SPOCK3: variants seen among roughly 807,000 people sequenced by gnomAD.
SPOCK3 encodes testican-3.
Under a neutral mutation model 56.6 loss-of-function variants are expected in SPOCK3, and 30 were observed. The ratio of observed to expected loss-of-function variants is 0.53; its 90% CI spans 0.40 to 0.72. The LOEUF (loss-of-function observed/expected upper bound fraction) is 0.72, where lower values mean the gene tolerates loss of function less well. Among genes scored for constraint, SPOCK3 ranks in the 30% least tolerant of loss-of-function variants. SPOCK3 has a pLI of 0.00. For synonymous variants in SPOCK3, 196 were observed against 183.3 expected (o/e 1.07, Z -0.56); for missense variants, 527 against 530.0 (o/e 0.99, Z 0.06).
At chr4:167,170,260 C>T (rs1351546190) in intron 2 of SPOCK3, among the ~76,000 whole-genome samples, 1 of 152,088 alleles carries the variant, frequency 6.6e-6, no homozygotes, top group Non-Finnish European at 1.5e-5. Context: ...ATATAAAATG[C>T]TAGAAGAAAA....
At chr4:166,784,859 T>A (rs1207264006) in intron 7 of SPOCK3, among the ~76,000 whole-genome samples, 7 of 152,128 alleles carry the variant, frequency 4.6e-5, no homozygotes, top group Admixed American at 4.6e-4. Flanking sequence ...AGTCAGACTC[T>A]GCTAATCTGG....
At chr4:166,979,206 T>C (rs1746311111) in intron 4 of SPOCK3, among the ~76,000 whole-genome samples, 1 of 152,142 alleles carries the variant, frequency 6.6e-6, no homozygotes, top group Non-Finnish European at 1.5e-5. Context: ...AGAGCTCCTC[T>C]TCCTACCCAG....
chr4:167,234,589 C>G (rs544524671), upstream of SPOCK3: 22 of 218,922 alleles, frequency 1.0e-4, no homozygotes, highest in Admixed American at 3.7e-4. Context: ...CGCGCTCCCC[C>G]CATCTCCACC....
At chr4:167,089,779 T>A (rs1758540657) in intron 2 of SPOCK3, among the ~76,000 whole-genome samples, 1 of 152,196 alleles carries the variant, frequency 6.6e-6, no homozygotes, top group Non-Finnish European at 1.5e-5. Flanking sequence ...AGTTCTTTCA[T>A]ATCCCTTTAT....
intron 3 of SPOCK3, among the ~76,000 whole-genome samples, chr4:167,051,737 C>A (rs1754221508): frequency 6.6e-6 from 1 of 152,192 alleles, no homozygotes; most frequent in African/African-American, 2.4e-5. Flanking sequence ...GGGTGTCAGG[C>A]AATCTGGACT....
chr4:166,739,907 C>G (rs1579077244), intron 9 of SPOCK3, among the ~76,000 whole-genome samples: 1 of 152,190 alleles, frequency 6.6e-6, no homozygotes, highest in Non-Finnish European at 1.5e-5. Context: ...AACTGCTAAT[C>G]TTTCAATTAG....
intron 6 of SPOCK3, among the ~76,000 whole-genome samples, chr4:166,805,972 G>A (rs1270098961): frequency 2.0e-5 from 3 of 151,956 alleles, no homozygotes; most frequent in Admixed American, 1.3e-4. Flanking sequence ...CTGTTTGCGG[G>A]AAAGCACAAG....
At chr4:167,136,652 AT>A (rs1445007338) in intron 2 of SPOCK3, among the ~76,000 whole-genome samples, 2 of 152,086 alleles carry the variant, frequency 1.3e-5, no homozygotes, top group Middle Eastern at 3.2e-3. Flanking sequence ...CCCATTTCGA[AT>A]TGCTGGAGAG....
intron 6 of SPOCK3, among the ~76,000 whole-genome samples, chr4:166,873,596 A>C (rs1263824229): frequency 1.3e-5 from 2 of 152,182 alleles, no homozygotes; most frequent in Admixed American, 1.3e-4. Flanking sequence ...AATGAAAATG[A>C]AAGTTTTCAT....
chr4:166,826,026 C>G (rs1347033418), intron 6 of SPOCK3, among the ~76,000 whole-genome samples: 8 of 151,802 alleles, frequency 5.3e-5, no homozygotes, highest in Non-Finnish European at 7.4e-5. Flanking sequence ...CCACCTGTTC[C>G]CCAAAAACTA....
chr4:167,099,725 A>T (rs1034638816), intron 2 of SPOCK3, among the ~76,000 whole-genome samples: 3 of 152,118 alleles, frequency 2.0e-5, no homozygotes, highest in Non-Finnish European at 2.9e-5. Flanking sequence ...TTTTTAAAAA[A>T]TTTTAAAAGA....
chr4:166,785,265 A>G (rs1033153447), intron 7 of SPOCK3, among the ~76,000 whole-genome samples: 2 of 152,090 alleles, frequency 1.3e-5, no homozygotes, highest in South Asian at 2.1e-4. Flanking sequence ...AAATATATTC[A>G]AGAAGCCTGA....
intron 5 of SPOCK3, among the ~76,000 whole-genome samples, chr4:166,902,475 C>T (rs1579591743): frequency 6.6e-6 from 1 of 151,780 alleles, no homozygotes; most frequent in East Asian, 1.9e-4. Context: ...CTTCTGATTA[C>T]TCTCTATATT....
chr4:166,798,438 C>T (rs922281043), intron 6 of SPOCK3, among the ~76,000 whole-genome samples: 16 of 152,130 alleles, frequency 1.1e-4, no homozygotes, highest in Admixed American at 5.2e-4. Flanking sequence ...TGATTAAGAA[C>T]TATGAAGGTG....
intron 2 of SPOCK3, among the ~76,000 whole-genome samples, chr4:167,176,873 A>G (rs1047728579): frequency 4.0e-4 from 61 of 152,120 alleles, no homozygotes; most frequent in Admixed American, 6.6e-5. Context: ...AAACATAGCT[A>G]CTCAGCACAA....
chr4:167,123,655 G>A (rs547982162), intron 2 of SPOCK3, among the ~76,000 whole-genome samples: 2 of 151,524 alleles, frequency 1.3e-5, no homozygotes, highest in African/African-American at 2.4e-5. Context: ...CACATGGCGT[G>A]TCTGCAGACT....
At chr4:167,092,939 A>G (rs1758830877) in intron 2 of SPOCK3, among the ~76,000 whole-genome samples, 1 of 152,144 alleles carries the variant, frequency 6.6e-6, no homozygotes, top group South Asian at 2.1e-4. Flanking sequence ...TCATTTGTCT[A>G]TGCATTTCAT....
chr4:167,109,180 A>G (rs1477912867), intron 2 of SPOCK3, among the ~76,000 whole-genome samples: 9 of 79,438 alleles, frequency 1.1e-4, no homozygotes, highest in African/African-American at 3.7e-4. Flanking sequence ...ATAAAAATAT[A>G]TATAAATATT....
At chr4:166,826,628 A>G (rs546135168) in intron 6 of SPOCK3, among the ~76,000 whole-genome samples, 9 of 152,164 alleles carry the variant, frequency 5.9e-5, no homozygotes, top group Non-Finnish European at 1.2e-4. Flanking sequence ...GAGCACGTAT[A>G]ATTTTACAGT....
Sources: gnomAD v4.1 joint callset for allele counts (sites outside exome capture counted in the v4.1 genomes callset) on GRCh38, gnomAD v4.1.1 for gene constraint, MANE v1.5 for transcripts, NCBI Gene and HGNC (gene_info 2026-07-23, HGNC 2026-07-21) for gene names.